Variants in IL1RN observed in about 807,000 individuals in gnomAD.
IL1RN encodes the protein interleukin 1 receptor antagonist, also known as interleukin-1 receptor antagonist protein.
A neutral mutation model predicts 13.7 loss-of-function variants in IL1RN; 10 were observed. That is an observed-to-expected ratio of 0.73 (90% CI 0.45 to 1.24). The LOEUF is 1.24. Ranked by LOEUF, IL1RN falls within the 50% of genes most tolerant of loss-of-function variation. The probability of loss-of-function intolerance (pLI) is 0.00; values close to 1 mark genes in which losing one functional copy is unlikely to be tolerated. For synonymous variants in IL1RN, 102 were observed against 82.7 expected (o/e 1.23, Z -1.27); for missense variants, 213 against 222.1 (o/e 0.96, Z 0.26).
chr2:113,111,976 G>T (rs576746639), intron 1 of IL1RN, among the ~76,000 whole-genome samples: 2 of 152,368 alleles, frequency 1.3e-5, no homozygotes, highest in African/African-American at 4.8e-5. Context: ...ACAGTTTTAG[G>T]CCTGAGGCAA....
chr2:113,106,674 A>G (rs139154702), upstream of IL1RN, among the ~76,000 whole-genome samples: 20 of 152,284 alleles, frequency 1.3e-4, no homozygotes, highest in African/African-American at 2.4e-4. Flanking sequence ...CCAGGTGGGA[A>G]TCTGACCTCA....
chr2:113,125,860 G>A (rs1392197233), upstream of IL1RN, among the ~76,000 whole-genome samples: 3 of 152,186 alleles, frequency 2.0e-5, no homozygotes, highest in Non-Finnish European at 2.9e-5. Context: ...GTGCGGTGGC[G>A]TGATCTTGGC....
At chr2:113,129,892 T>C (rs769082792) in intron 2 of IL1RN, 1 of 527,452 alleles carries the variant, frequency 1.9e-6, no homozygotes, top group Non-Finnish European at 3.5e-6. Context: ...TCAGTGCCTA[T>C]AGGCACAGTG....
At chr2:113,102,147 A>G in the IL1RN span, among the ~76,000 whole-genome samples, 2 of 152,152 alleles carry the variant, frequency 1.3e-5, no homozygotes, top group Non-Finnish European at 2.9e-5. Flanking sequence ...TGGCTTAACC[A>G]ACAGGAAGAA....
intron 2 of IL1RN, among the ~76,000 whole-genome samples, chr2:113,120,803 A>G (rs1018127412): frequency 6.6e-5 from 10 of 152,202 alleles, no homozygotes; most frequent in African/African-American, 2.4e-4. Flanking sequence ...AACAAATATA[A>G]TTCTTGCTTA....
the IL1RN span, among the ~76,000 whole-genome samples, chr2:113,099,719 C>CCTTCTTTTTTTTTTTTT: frequency 1.4e-4 from 11 of 80,526 alleles, 1 homozygote; most frequent in Admixed American, 4.8e-4. Context: ...GCATCCTCTT[C>CCTTCTTTTTTTTTTTTT]TTTCTTTTCT....
chr2:113,115,724 C>A (rs1298365114), upstream of IL1RN: 1 of 152,206 alleles, frequency 6.6e-6, no homozygotes, highest in Non-Finnish European at 1.5e-5. Flanking sequence ...GGCTAAGCCA[C>A]TGATCCATCA....
At chr2:113,114,001 T>C (rs1029562336), upstream of IL1RN, among the ~76,000 whole-genome samples, 4 of 152,204 alleles carry the variant, frequency 2.6e-5, no homozygotes, top group East Asian at 7.7e-4. Flanking sequence ...TTGTTGGCTC[T>C]TGTGGAATTA....
chr2:113,105,240 C>T (rs1686370671), upstream of IL1RN, among the ~76,000 whole-genome samples: 1 of 152,100 alleles, frequency 6.6e-6, no homozygotes, highest in South Asian at 2.1e-4. Context: ...GAGTCAGGAG[C>T]TTATGACGTC....
intron 1 of IL1RN, among the ~76,000 whole-genome samples, chr2:113,129,312 C>T (rs1000933796): frequency 2.6e-5 from 4 of 152,134 alleles, no homozygotes; most frequent in African/African-American, 9.7e-5. Flanking sequence ...GAAGTGCCTT[C>T]CCTGGGAATC....
At chr2:113,120,567 G>T (rs548031519) in intron 2 of IL1RN, among the ~76,000 whole-genome samples, 2 of 152,172 alleles carry the variant, frequency 1.3e-5, no homozygotes, top group Non-Finnish European at 2.9e-5. Flanking sequence ...GAGGGGTTTG[G>T]CAAGGTGTAG....
rs948911419 is a variant in IL1RN, at chr2:113,133,963, C to T, written c.*1092C>T. 5 of 152,668 alleles carry T rather than the reference C, an allele frequency of 3.3e-5. No homozygotes were observed. The highest frequency in any genetic ancestry group is 1.2e-4 in the African/African-American group (5 of 41,440). The allele number at this position is 152,668 out of a possible 1,614,324, so 9.5% of individuals were successfully genotyped here. A position where few individuals can be genotyped will look rare whatever the true frequency, so the allele number is the denominator to read the frequency against. ...TGCTGTATATGTTGGGTGCAAAGTTCCCTACTTCCTGTGACTTCAGCTCTG... is the reference window on the plus strand; with the variant it reads ...TGCTGTATATGTTGGGTGCAAAGTTTCCTACTTCCTGTGACTTCAGCTCTG... On this transcript the variant is annotated 3_prime_UTR_variant, in exon 4 of 4. Transcript: ENST00000409930.
the IL1RN span, among the ~76,000 whole-genome samples, chr2:113,100,325 CA>C: frequency 3.1e-3 from 244 of 78,582 alleles, no homozygotes; most frequent in Admixed American, 8.2e-3. Context: ...GACTCCGTCT[CA>C]AAAAAAAAAA....
At chr2:113,129,410 C>G (rs1048770261) in intron 1 of IL1RN, among the ~76,000 whole-genome samples, 166 bp from the exon 2 acceptor site, 1 of 152,174 alleles carries the variant, frequency 6.6e-6, no homozygotes, top group Admixed American at 6.5e-5. Context: ...TAACCATTGT[C>G]AGCCTCAGTC....
rs1467909308 is a variant in IL1RN, at chr2:113,132,859, G to A, written c.522G>A (p.Gln174=). 1.2e-6 allele frequency: 2 copies of A among 1,614,188 alleles called. No homozygotes were observed. Among genetic ancestry groups the A allele is most frequent in the Admixed American group, 1.7e-5 (1 of 60,028 alleles). Residue 174 remains glutamine (Q), a synonymous_variant, in exon 4 of 4, where the codon CAG becomes CAA. Coordinates refer to ENST00000409930, the MANE Select transcript of IL1RN (RefSeq NM_173842.3). The part of the protein sequence containing the change: ...EGVMVTKFYF[Q]EDE Reference sequence around the variant, plus strand: ...TCATGGTCACCAAATTCTACTTCCAGGAGGACGAGTAGTACTGCCCAGGCC... The same window carrying A: ...TCATGGTCACCAAATTCTACTTCCAAGAGGACGAGTAGTACTGCCCAGGCC...
upstream of IL1RN, among the ~76,000 whole-genome samples, chr2:113,124,855 G>GACTGGGCCACTTCTCAGGACAC (rs1451003353): frequency 2.6e-5 from 4 of 152,176 alleles, no homozygotes; most frequent in African/African-American, 7.2e-5. Context: ...ACAAAGGACA[G>GACTGGGCCACTTCTCAGGACAC]ACTGGGCCAC....
chr2:113,131,141 C>A lies in IL1RN; in HGVS notation c.302C>A (p.Thr101Asn). ...TCCTGTGTCAAGTCTGGTGATGAGA[C>A]CAGACTCCAGCTGGAGGTAAAAACA... ...CLSCVKSGDE[T>N]RLQLEAVNIT... Residue 101 changes from threonine to asparagine, a missense_variant, in exon 3 of 4, where the codon ACC becomes AAC. By Grantham distance (65) the Thr-to-Asn change is moderately conservative (BLOSUM62 0). Coordinates refer to ENST00000409930, the MANE Select transcript of IL1RN (RefSeq NM_173842.3). The A allele has an allele frequency of 6.2e-7, 1 of 1,607,228 alleles. No individual in the cohort carries two copies. The highest frequency in any genetic ancestry group is 2.2e-5 in the East Asian group (1 of 44,854).
chr2:113,129,884 A>C (rs1687102102), intron 2 of IL1RN: 4 of 540,846 alleles, frequency 7.4e-6, no homozygotes, highest in Non-Finnish European at 1.4e-5. Flanking sequence ...GTCAGAGGTC[A>C]GTGCCTATAG....
chr2:113,113,192 TG>T (rs1341042908), upstream of IL1RN: 5 of 152,188 alleles, frequency 3.3e-5, no homozygotes. Flanking sequence ...GGTGGATGAA[TG>T]GATAAAGAAA....
Sources: allele counts gnomAD v4.1 joint callset (sites outside exome capture counted in the v4.1 genomes callset), GRCh38; gene constraint gnomAD v4.1.1; transcripts MANE v1.5; gene names NCBI Gene and HGNC (gene_info 2026-07-23, HGNC 2026-07-21).